The following PPIL2 variants were observed in gnomAD, a reference collection of about 807,000 sequenced individuals.
PPIL2 encodes peptidylprolyl isomerase like 2.
PPIL2 carries 50 observed loss-of-function variants against 75.2 expected under a neutral mutation model. That is an observed-to-expected ratio of 0.66 (90% confidence interval 0.53 to 0.84). PPIL2 has a LOEUF of 0.84. Among genes scored for constraint, PPIL2 ranks in the 40% least tolerant of loss-of-function variants. The pLI is 0.00. For missense variants in PPIL2, 590 were observed against 685.0 expected, an observed-to-expected ratio of 0.86 and a Z score of 1.55; for synonymous variants, 245 against 258.8, an observed-to-expected ratio of 0.95 and a Z score of 0.51.
intron 15 of PPIL2, among the ~76,000 whole-genome samples, chr22:21,690,655 TG>T (rs1428961451): frequency 6.6e-6 from 1 of 152,240 alleles, no homozygotes; most frequent in Non-Finnish European, 1.5e-5. Flanking sequence ...TTTCTGTCTT[TG>T]CTTCTTCATG....
chr22:21,681,277 C>T, intron 6 of PPIL2, 22 bp from the exon 7 acceptor site: 2 of 1,583,380 alleles, frequency 1.3e-6, no homozygotes, highest in African/African-American at 1.3e-5. Context: ...GACTGGCCTC[C>T]CTGTGTGTGC....
At position 21,681,209 on chromosome 22, in the gene PPIL2, T is replaced by A; in HGVS notation, c.296-90T>A. ...CCTCCTCCCATCGCTGACTTTGGAG[T>A]TCTGTCCTGCCCTGGCCCTCTGCGG... On this transcript the variant is annotated intron_variant, in intron 6 of 19. Transcript: ENST00000398831. The A allele has an allele frequency of 9.2e-6, 10 of 1,086,368 alleles. No individual in the cohort carries two copies. The South Asian group carries it at 1.2e-4, about 13-fold the overall frequency. The allele number at this position is 1,086,368 out of a possible 1,614,324, so 67.3% of individuals were successfully genotyped here. A position where few individuals can be genotyped will look rare whatever the true frequency, so the allele number is the denominator to read the frequency against.
At chr22:21,688,922 C>A in intron 15 of PPIL2, 73 bp downstream of exon 15, 1 of 1,368,982 alleles carries the variant, frequency 7.3e-7, no homozygotes, top group Non-Finnish European at 1.0e-6. Context: ...CCTCTTGGCC[C>A]TCTCTGAAGG....
chr22:21,673,944 G>T (rs1215327861), intron 5 of PPIL2, among the ~76,000 whole-genome samples: 1 of 152,220 alleles, frequency 6.6e-6, no homozygotes, highest in African/African-American at 2.4e-5. Flanking sequence ...GTGATGTAGG[G>T]AGGTGGGGGT....
At chr22:21,668,011 G>A (rs1266977670) in intron 1 of PPIL2, among the ~76,000 whole-genome samples, 2 of 151,586 alleles carry the variant, frequency 1.3e-5, no homozygotes, top group Non-Finnish European at 2.9e-5. Flanking sequence ...TCCTGACGTC[G>A]AGTGATCGAC....
rs761762480 is a variant in PPIL2, at chr22:21,681,280, G to C, written c.296-19G>C. On this transcript the variant is annotated intron_variant, in intron 6 of 19. Transcript: ENST00000398831. ...GCCCACAGAGGTGACTGGCCTCCCTGTGTGTGCCTTCTCTCTAGGGAAGTA... is the reference window on the plus strand; with the variant it reads ...GCCCACAGAGGTGACTGGCCTCCCTCTGTGTGCCTTCTCTCTAGGGAAGTA... The C allele has an allele frequency of 8.2e-6, 13 of 1,592,452 alleles. No homozygotes were observed. The highest frequency in any genetic ancestry group is 1.1e-5 in the Non-Finnish European group (13 of 1,160,310).
intron 1 of PPIL2, 26 bp downstream of exon 1, chr22:21,666,157 G>T: frequency 6.2e-7 from 1 of 1,604,536 alleles, no homozygotes. Context: ...GTCGGGAGCG[G>T]CGCTCCACTC....
At chr22:21,677,542 C>T (rs182012723) in intron 6 of PPIL2, among the ~76,000 whole-genome samples, 6 of 152,304 alleles carry the variant, frequency 3.9e-5, no homozygotes, top group Non-Finnish European at 5.9e-5. Flanking sequence ...CCAAAAAATA[C>T]GAAAACCAGT....
rs1192275496 is a variant in PPIL2 at position 21,686,537 on chromosome 22, C to G, written c.769C>G (p.Pro257Ala). 6.2e-7 allele frequency: 1 copy of G among 1,614,158 alleles called. No homozygotes were observed. Among genetic ancestry groups the G allele is most frequent in the Admixed American group, 1.7e-5 (1 of 60,030 alleles). ...SASFTSTAMV[P>A]ETTHEAAAID... ...TTCCTTCACCTCCACCGCGATGGTC[C>G]CGGAGACCACACATGAAGCAGGTAG... is the stretch of plus-strand genomic sequence containing the variant. The change falls in exon 11 of 20, where the codon CCG becomes GCG. Residue 257 changes from proline (P) to alanine (A), a missense_variant. By Grantham distance (27) the Pro-to-Ala change is conservative. Coordinates refer to ENST00000398831, the MANE Select transcript of PPIL2 (RefSeq NM_014337.4).
chr22:21,669,044 T>C (rs2066516681), intron 1 of PPIL2, among the ~76,000 whole-genome samples: 2 of 150,652 alleles, frequency 1.3e-5, no homozygotes, highest in Admixed American at 1.3e-4. Flanking sequence ...TAGAGACTGG[T>C]TTCACCGTGT....
In PPIL2 at chr22:21,697,489, G is replaced by C. The variant is rs1159697626; in HGVS notation, c.*1999G>C. On this transcript the variant is annotated 3_prime_UTR_variant, in exon 20 of 20. Coordinates refer to ENST00000398831, the MANE Select transcript of PPIL2 (RefSeq NM_014337.4). ...CTCAGCGGCGCCACAGAGAGCCTGG[G>C]CTCAGCCTTCTGCATCAGGACATGG... The C allele has an allele frequency of 1.9e-5, 3 of 161,204 alleles. No individual in the cohort carries two copies. Among genetic ancestry groups the C allele is most frequent in the African/African-American group, 7.2e-5 (3 of 41,568 alleles). The allele number at this position is 161,204 out of a possible 1,614,324, so 10.0% of individuals were successfully genotyped here.
intron 1 of PPIL2, among the ~76,000 whole-genome samples, chr22:21,667,952 T>G (rs751161523): frequency 6.6e-6 from 1 of 152,004 alleles, no homozygotes; most frequent in Non-Finnish European, 1.5e-5. Context: ...AATTTTTGTA[T>G]TTTTAGTAGA....
chr22:21,686,582 C>T, intron 11 of PPIL2, 24 bp downstream of exon 11: 1 of 1,609,302 alleles, frequency 6.2e-7, no homozygotes, highest in Non-Finnish European at 8.5e-7. Context: ...CCTCTGTAGC[C>T]ACCTGCCATG....
downstream of PPIL2, chr22:21,698,951 C>T (rs2068035240): frequency 6.6e-6 from 1 of 152,442 alleles, no homozygotes; most frequent in African/African-American, 2.4e-5. Context: ...TCCTTCCTTT[C>T]CTAAGTGGAA....
At position 21,692,402 on chromosome 22, in the gene PPIL2, C is replaced by T. The variant is rs1213484728; in HGVS notation, c.1140-1414C>T. On this transcript the variant is annotated intron_variant, in intron 15 of 19. Coordinates refer to ENST00000398831, the MANE Select transcript of PPIL2 (RefSeq NM_014337.4). ...ATCTCCTGACCTTGTGATCCGCCCA[C>T]CTTGGCCTCCCAAAGTGCTGGGATT... 8.0e-5 allele frequency among the ~76,000 whole-genome samples: 12 copies of T among 149,962 alleles called. No homozygotes were observed. The South Asian group carries it at 8.6e-4, about 11-fold the overall frequency.
chr22:21,694,872 C>T (rs2067850818), intron 18 of PPIL2, 55 bp downstream of exon 18: 4 of 1,591,856 alleles, frequency 2.5e-6, no homozygotes, highest in East Asian at 2.2e-5. Flanking sequence ...CACTTTTCCA[C>T]CCCAAGCCTA....
chr22:21,668,878 A>AT (rs904909268), intron 1 of PPIL2, among the ~76,000 whole-genome samples: 1 of 151,196 alleles, frequency 6.6e-6, no homozygotes, highest in African/African-American at 2.4e-5. Flanking sequence ...CGCCCGGCTA[A>AT]TTTTTTGTAT....
chr22:21,694,338 GA>G (rs1388654516), intron 16 of PPIL2, among the ~76,000 whole-genome samples: 4 of 151,884 alleles, frequency 2.6e-5, no homozygotes, highest in Non-Finnish European at 2.9e-5. Context: ...CACGTTTTGT[GA>G]CTCCTATTTT....
rs747497597 is a variant in PPIL2, at chr22:21,683,164, A to G, written c.478-18A>G. The G allele has an allele frequency of 1.6e-5, 26 of 1,602,644 alleles. No homozygotes were observed. The highest frequency in any genetic ancestry group is 2.2e-5 in the Non-Finnish European group (26 of 1,169,708). On this transcript the variant is annotated intron_variant, in intron 8 of 19. Transcript: ENST00000398831. Reference sequence around the variant, plus strand: ...GTAGGCTGGGTTCACTCTGCTGGGCATTCTCTTTTTGCCACAGGACCCCAC... The same window carrying G: ...GTAGGCTGGGTTCACTCTGCTGGGCGTTCTCTTTTTGCCACAGGACCCCAC...
Sources: allele counts gnomAD v4.1 joint callset (sites outside exome capture counted in the v4.1 genomes callset), GRCh38; gene constraint gnomAD v4.1.1; transcripts MANE v1.5; gene names NCBI Gene and HGNC (gene_info 2026-07-23, HGNC 2026-07-21).